CD302: variants seen among roughly 807,000 people sequenced by gnomAD.
CD302 encodes the protein CD302 molecule.
CD302 carries 23 observed loss-of-function variants against 26.5 expected under a neutral mutation model. The ratio of observed to expected loss-of-function variants is 0.87; its 90% confidence interval spans 0.62 to 1.23. CD302 has a LOEUF of 1.23. Ranked by LOEUF, CD302 falls within the 50% of genes most tolerant of loss-of-function variation. The pLI, the probability that CD302 is intolerant of heterozygous loss-of-function variation, is 0.00. For missense variants in CD302, 290 were observed against 275.5 expected, an observed-to-expected ratio of 1.05 and a Z score of -0.37; for synonymous variants, 90 against 99.4, an observed-to-expected ratio of 0.91 and a Z score of 0.56.
At chr2:159,797,699 C>G (rs910718628) in intron 1 of CD302, among the ~76,000 whole-genome samples, 2 of 152,176 alleles carry the variant, frequency 1.3e-5, no homozygotes, top group Non-Finnish European at 2.9e-5. Flanking sequence ...GCCCCCACCC[C>G]CATCCCAGCA....
At chr2:159,791,586 G>A (rs1708808651) in intron 1 of CD302, among the ~76,000 whole-genome samples, 1 of 152,320 alleles carries the variant, frequency 6.6e-6, no homozygotes, top group African/African-American at 2.4e-5. Context: ...CAGAGACCAT[G>A]TCTGAGATCT....
At position 159,770,435 on chromosome 2, in the gene CD302, C is replaced by A. The variant is rs747278648; in HGVS notation, c.*1416G>T. 6.6e-6 allele frequency: 1 copy of A among 151,908 alleles called. No individual in the cohort carries two copies. The highest frequency in any genetic ancestry group is 2.4e-5 in the African/African-American group (1 of 41,318). 9.4% of individuals were successfully genotyped at this position (151,908 alleles called of 1,614,324 possible). A position where few individuals can be genotyped will look rare whatever the true frequency, so the allele number is the denominator to read the frequency against. On this transcript the variant is annotated 3_prime_UTR_variant, in exon 6 of 6. Transcript: ENST00000259053. ...TGCCATTAATTGTGATGAGTGTTTT[C>A]GATTCATGTGGTCAATAAAAAGAGA...
chr2:159,771,195 T>TAAG lies in CD302; in HGVS notation c.*653_*655dup, dbSNP rs1366400210. 1 of 152,314 alleles carries TAAG rather than the reference T, an allele frequency of 6.6e-6. No homozygotes were observed. Among genetic ancestry groups the TAAG allele is most frequent in the Non-Finnish European group, 1.5e-5 (1 of 68,110 alleles). 9.4% of individuals were successfully genotyped at this position (152,314 alleles called of 1,614,324 possible). A position where few individuals can be genotyped will look rare whatever the true frequency, so the allele number is the denominator to read the frequency against. ...ATCCTTAAAGGGGCACTATAATATG[T>TAAG]AAGTGTTAACCTAATTGCCAGCTTT... On this transcript the variant is annotated 3_prime_UTR_variant, in exon 6 of 6. Coordinates refer to ENST00000259053, the MANE Select transcript of CD302 (RefSeq NM_014880.5).
chr2:159,791,185 T>C (rs753487227), intron 1 of CD302, among the ~76,000 whole-genome samples: 1 of 152,186 alleles, frequency 6.6e-6, no homozygotes, highest in Non-Finnish European at 1.5e-5. Flanking sequence ...AGACCTTTTC[T>C]GGCAACAAGG....
intron 2 of CD302, among the ~76,000 whole-genome samples, chr2:159,782,857 A>C (rs758506617): frequency 8.5e-5 from 13 of 152,208 alleles, no homozygotes; most frequent in Admixed American, 3.3e-4. Context: ...TCTTTACTAC[A>C]GTCTTACTTC....
intron 1 of CD302, among the ~76,000 whole-genome samples, chr2:159,794,354 T>C (rs1417844892): frequency 1.4e-5 from 2 of 146,946 alleles, no homozygotes; most frequent in East Asian, 2.0e-4. Context: ...ATACTTGATA[T>C]GCACAATAAA....
At position 159,771,952 on chromosome 2, in the gene CD302, G is replaced by C. The variant is rs34068933; in HGVS notation, c.598C>G (p.Arg200Gly). ...WFLYKKHSDS[R>G]FTTVFSTAPQ... ...GCGGTTGAAAAAACTGTGGTGAAAC[G>C]AGAATCAGAATGTTTTTTGTACAGG... The change falls in exon 6 of 6, where the codon CGT becomes GGT. Residue 200 changes from arginine (R) to glycine (G), a missense_variant. Arg to Gly is a moderately radical substitution (Grantham distance 125). Transcript: ENST00000259053. 250 of 1,613,798 alleles carry C rather than the reference G, an allele frequency of 1.5e-4. No individual in the cohort carries two copies. The highest frequency in any genetic ancestry group is 2.0e-4 in the Non-Finnish European group (233 of 1,179,928).
At chr2:159,775,492 C>T (rs758796574) in intron 5 of CD302, among the ~76,000 whole-genome samples, 2 of 152,132 alleles carry the variant, frequency 1.3e-5, no homozygotes, top group Non-Finnish European at 2.9e-5. Flanking sequence ...CTAGAAGATA[C>T]GTAGTGAAAA....
At chr2:159,778,363 TTTAA>T (rs1369294047) in intron 4 of CD302, among the ~76,000 whole-genome samples, 1 of 152,226 alleles carries the variant, frequency 6.6e-6, no homozygotes, top group African/African-American at 2.4e-5. Flanking sequence ...GAAGTTATAG[TTTAA>T]TTAAAAACTT....
At chr2:159,798,028 C>G in intron 1 of CD302, 104 bp downstream of exon 1, 1 of 1,120,524 alleles carries the variant, frequency 8.9e-7, no homozygotes, top group Non-Finnish European at 1.2e-6. Flanking sequence ...CCGGGTGTTG[C>G]GTCTGCGGGC....
In CD302 at chr2:159,780,910, G is replaced by A; in HGVS notation, c.267C>T (p.Ile89=). ...LKKQWKGPDD[I]LLGMFYDTDD... is the part of the protein sequence containing the mutation. ...CTGTGTCATAAAACATGCCTAGTAG[G>A]ATATCATCTGGGCCTTTCCATTGCT... The change falls in exon 3 of 6, where the codon ATC becomes ATT. Residue 89 remains isoleucine, a synonymous_variant. Coordinates refer to ENST00000259053, the MANE Select transcript of CD302 (RefSeq NM_014880.5). 6.2e-7 allele frequency: 1 copy of A among 1,613,374 alleles called. No individual in the cohort carries two copies. The highest frequency in any genetic ancestry group is 8.5e-7 in the Non-Finnish European group (1 of 1,179,852).
At chr2:159,776,530 A>G (rs1028078066) in intron 5 of CD302, among the ~76,000 whole-genome samples, 3 of 152,024 alleles carry the variant, frequency 2.0e-5, no homozygotes, top group Admixed American at 1.3e-4. Context: ...AAGAGTTCCA[A>G]TTGCTGCATA....
intron 5 of CD302, among the ~76,000 whole-genome samples, chr2:159,775,291 G>T (rs774372748): frequency 2.6e-5 from 4 of 152,164 alleles, no homozygotes; most frequent in African/African-American, 9.7e-5. Context: ...AGATTTACAT[G>T]CACATATATA....
At chr2:159,784,281 T>TATA in intron 1 of CD302, among the ~76,000 whole-genome samples, 1 of 151,836 alleles carries the variant, frequency 6.6e-6, no homozygotes, top group South Asian at 2.1e-4. Context: ...TAGGTTTGTA[T>TATA]ATAGGTAAAA....
At chr2:159,775,295 A>G (rs895559559) in intron 5 of CD302, among the ~76,000 whole-genome samples, 9 of 152,374 alleles carry the variant, frequency 5.9e-5, no homozygotes, top group Admixed American at 2.6e-4. Flanking sequence ...TTACATGCAC[A>G]TATATACATG....
chr2:159,788,741 CCTG>C (rs1708732086), intron 1 of CD302, among the ~76,000 whole-genome samples: 2 of 152,098 alleles, frequency 1.3e-5, no homozygotes, highest in Non-Finnish European at 2.9e-5. Flanking sequence ...GTTTTTAAAT[CCTG>C]CTAAGAATTC....
intron 1 of CD302, among the ~76,000 whole-genome samples, chr2:159,794,827 C>T (rs1211854697): frequency 6.7e-6 from 1 of 150,194 alleles, no homozygotes; most frequent in Non-Finnish European, 1.5e-5. Context: ...GGATTACAGG[C>T]GTGAGCCACC....
intron 1 of CD302, among the ~76,000 whole-genome samples, chr2:159,795,796 C>G (rs1328595407): frequency 6.6e-6 from 1 of 152,148 alleles, no homozygotes; most frequent in Non-Finnish European, 1.5e-5. Flanking sequence ...AGAGGCACCT[C>G]ATCTAAGGCT....
intron 1 of CD302, among the ~76,000 whole-genome samples, chr2:159,793,554 T>C (rs1708864902): frequency 6.6e-6 from 1 of 152,168 alleles, no homozygotes; most frequent in South Asian, 2.1e-4. Context: ...AATAAGACCT[T>C]TGCTCCTCTC....
Sources: allele counts gnomAD v4.1 joint callset (sites outside exome capture counted in the v4.1 genomes callset), GRCh38; gene constraint gnomAD v4.1.1; transcripts MANE v1.5; gene names NCBI Gene and HGNC (gene_info 2026-07-23, HGNC 2026-07-21).